NALCN: variants seen among roughly 807,000 people sequenced by gnomAD.
NALCN encodes sodium leak channel, non-selective, also known as sodium leak channel NALCN.
NALCN carries 111 observed loss-of-function variants against 225.3 expected under a neutral mutation model. That is an observed-to-expected ratio of 0.49 (90% confidence interval 0.42 to 0.58). The LOEUF is 0.58. Ranked by LOEUF, NALCN falls within the 20% of genes least tolerant of loss-of-function variation. The probability of loss-of-function intolerance (pLI) is 0.00; values close to 1 mark genes in which losing one functional copy is unlikely to be tolerated. For synonymous variants in NALCN, 764 were observed against 769.0 expected (o/e 0.99, Z 0.11); for missense variants, 1,378 against 2,202.4 (o/e 0.63, Z 7.49).
chr13:101,358,154 A>G (rs2046117883), intron 6 of NALCN, among the ~76,000 whole-genome samples: 1 of 152,234 alleles, frequency 6.6e-6, no homozygotes, highest in African/African-American at 2.4e-5. Flanking sequence ...GCTAAAAGCA[A>G]TGGCAAGAAA....
intron 7 of NALCN, among the ~76,000 whole-genome samples, chr13:101,309,547 T>C (rs2044267756): frequency 6.6e-6 from 1 of 152,230 alleles, no homozygotes; most frequent in South Asian, 2.1e-4. Context: ...ATTCATTTTG[T>C]CTATTGGCAA....
chr13:101,325,434 C>T (rs496238), intron 7 of NALCN, among the ~76,000 whole-genome samples: 50,318 of 152,032 alleles, frequency 0.33, 8,775 homozygotes, highest in Non-Finnish European at 0.4. Context: ...TAAATCACAA[C>T]GATTCACAAA....
chr13:101,123,364 G>C (rs2139694579), intron 18 of NALCN, among the ~76,000 whole-genome samples: 1 of 152,332 alleles, frequency 6.6e-6, no homozygotes, highest in Admixed American at 6.5e-5. Context: ...GATCAGCCTT[G>C]CTGTAGGACC....
chr13:101,295,252 T>C (rs936398844), intron 7 of NALCN, among the ~76,000 whole-genome samples: 4 of 152,214 alleles, frequency 2.6e-5, no homozygotes, highest in Non-Finnish European at 4.4e-5. Flanking sequence ...TTGCTTTATG[T>C]GCACTGAATA....
intron 1 of NALCN, among the ~76,000 whole-genome samples, chr13:101,401,055 C>T (rs754820903): frequency 6.6e-6 from 1 of 152,146 alleles, no homozygotes; most frequent in Non-Finnish European, 1.5e-5. Flanking sequence ...AATTAGCCAG[C>T]GTCGTCAGGT....
At chr13:101,114,819 G>T (rs375127519) in intron 18 of NALCN, among the ~76,000 whole-genome samples, 1 of 152,120 alleles carries the variant, frequency 6.6e-6, no homozygotes, top group African/African-American at 2.4e-5. Context: ...TAAGCCTAAC[G>T]AGCAGCATGG....
At chr13:101,399,225 AG>A in intron 1 of NALCN, 60 bp from the exon 2 acceptor site, 1 of 1,222,728 alleles carries the variant, frequency 8.2e-7, no homozygotes, top group Non-Finnish European at 1.2e-6. Context: ...CAAAAAATTG[AG>A]TTCCCCACAT....
At chr13:101,114,685 T>C (rs940973787) in intron 18 of NALCN, among the ~76,000 whole-genome samples, 5 of 152,208 alleles carry the variant, frequency 3.3e-5, no homozygotes, top group Non-Finnish European at 1.5e-5. Flanking sequence ...GACTAAGGGA[T>C]GCCCAGATTC....
At chr13:101,179,898 C>T (rs1382513838) in intron 14 of NALCN, among the ~76,000 whole-genome samples, 1 of 152,180 alleles carries the variant, frequency 6.6e-6, no homozygotes, top group Non-Finnish European at 1.5e-5. Context: ...TCTCTTCCAG[C>T]TGCTGGTGGC....
At chr13:101,135,890 A>G (rs895855340) in intron 17 of NALCN, among the ~76,000 whole-genome samples, 8 of 152,212 alleles carry the variant, frequency 5.3e-5, no homozygotes, top group African/African-American at 1.9e-4. Context: ...TAACTCCTTG[A>G]TACCTCTTTT....
At chr13:101,227,958 C>T (rs1299559716) in intron 13 of NALCN, among the ~76,000 whole-genome samples, 2 of 152,154 alleles carry the variant, frequency 1.3e-5, no homozygotes, top group Non-Finnish European at 2.9e-5. Flanking sequence ...GTCACCTGTT[C>T]CCATAAGCCT....
rs1007944373 is a variant in NALCN, at chr13:101,311,552, G to T, written c.800-19186C>A. Reference sequence around the variant, plus strand: ...ACGTCCCATCAATACCTAATTTATTGAGAGTTTTTAGCATGAAGGGCTGTT... The same window carrying T: ...ACGTCCCATCAATACCTAATTTATTTAGAGTTTTTAGCATGAAGGGCTGTT... On this transcript the variant is annotated intron_variant, in intron 7 of 43. Coordinates refer to ENST00000251127, the MANE Select transcript of NALCN (RefSeq NM_052867.4). Among the ~76,000 whole-genome samples the T allele has an allele frequency of 3.3e-3, 499 of 151,838 alleles. 1 individual carries two copies. The highest frequency in any genetic ancestry group is 0.011 in the African/African-American group (468 of 41,332).
rs571984867 is a variant in NALCN, at chr13:101,257,311, T to G, written c.1266+1132A>C. ...CTGTAGCCCAGTAAAAGTTTTGTAT[T>G]AACGGTATTTTGTTTCAGGAGACAT... On this transcript the variant is annotated intron_variant, in intron 11 of 43. Transcript: ENST00000251127. Among the ~76,000 whole-genome samples, 31 of 151,948 alleles carry G rather than the reference T, an allele frequency of 2.0e-4. No individual in the cohort carries two copies. In the East Asian group the frequency reaches 4.5e-3, roughly 22 times the overall value.
chr13:101,355,103 T>C (rs2046014582), intron 6 of NALCN, among the ~76,000 whole-genome samples: 1 of 152,132 alleles, frequency 6.6e-6, no homozygotes, highest in Non-Finnish European at 1.5e-5. Context: ...TCACGTGATG[T>C]GCCTGCTCCC....
chr13:101,092,819 A>G (rs1230476341), intron 28 of NALCN, among the ~76,000 whole-genome samples: 1 of 152,200 alleles, frequency 6.6e-6, no homozygotes, highest in East Asian at 1.9e-4. Context: ...AACATATCAC[A>G]GTGTAGCTTA....
chr13:101,308,436 T>C (rs2044226181), intron 7 of NALCN, among the ~76,000 whole-genome samples: 2 of 152,192 alleles, frequency 1.3e-5, no homozygotes, highest in African/African-American at 4.8e-5. Context: ...GAGTAAGTGT[T>C]GAGTTTGGCA....
chr13:101,241,769 G>A (rs2041766906), intron 11 of NALCN, among the ~76,000 whole-genome samples: 1 of 151,972 alleles, frequency 6.6e-6, no homozygotes, highest in African/African-American at 2.4e-5. Flanking sequence ...ATCTGCCAGG[G>A]GTCAAGGTCC....
At chr13:101,293,666 T>C (rs2043630829) in intron 7 of NALCN, among the ~76,000 whole-genome samples, 2 of 152,006 alleles carry the variant, frequency 1.3e-5, no homozygotes, top group Non-Finnish European at 2.9e-5. Context: ...AGCCTGTGCA[T>C]GAGAAAGCAG....
intron 17 of NALCN, among the ~76,000 whole-genome samples, chr13:101,137,298 TA>T (rs1178594574): frequency 1.7e-3 from 259 of 150,664 alleles, no homozygotes; most frequent in African/African-American, 5.5e-3. Context: ...AGCCATTATT[TA>T]AAAAAAAAAT....
Sources: gnomAD v4.1 joint callset for allele counts (sites outside exome capture counted in the v4.1 genomes callset) on GRCh38, gnomAD v4.1.1 for gene constraint, MANE v1.5 for transcripts, NCBI Gene and HGNC (gene_info 2026-07-23, HGNC 2026-07-21) for gene names.